RPS6KC1: variants seen among roughly 807,000 people sequenced by gnomAD.
RPS6KC1 encodes ribosomal protein S6 kinase C1, also known as inactive ribosomal protein S6 kinase delta-1.
Under a neutral mutation model 103.8 loss-of-function variants are expected in RPS6KC1, and 54 were observed. The ratio of observed to expected loss-of-function variants is 0.52; its 90% CI spans 0.42 to 0.65. The LOEUF is 0.65. RPS6KC1 is among the 30% of genes least tolerant of loss of function. RPS6KC1 has a pLI of 0.00. For missense variants in RPS6KC1, 1,151 were observed against 1,253.8 expected (o/e 0.92, Z 1.24); for synonymous variants, 439 against 438.7 (o/e 1.00, Z -0.01).
the RPS6KC1 span, among the ~76,000 whole-genome samples, chr1:213,528,477 A>G: frequency 6.6e-6 from 1 of 152,122 alleles, no homozygotes; most frequent in African/African-American, 2.4e-5. Flanking sequence ...CAGCCAAACC[A>G]TATCAGCTGT....
chr1:213,353,528 C>T, the RPS6KC1 span, among the ~76,000 whole-genome samples: 2 of 152,366 alleles, frequency 1.3e-5, no homozygotes, highest in South Asian at 4.1e-4. Context: ...TTCACTATCA[C>T]TTTGTTTTCC....
At chr1:213,695,670 AT>A in the RPS6KC1 span, among the ~76,000 whole-genome samples, 1 of 152,396 alleles carries the variant, frequency 6.6e-6, no homozygotes, top group South Asian at 2.1e-4. Flanking sequence ...CCAGCTTTCA[AT>A]AGGCTAGACT....
At chr1:213,658,973 C>CTT in the RPS6KC1 span, among the ~76,000 whole-genome samples, 1 of 150,228 alleles carries the variant, frequency 6.7e-6, no homozygotes, top group African/African-American at 2.4e-5. Context: ...TCTTTTTTTT[C>CTT]TTTTTTTTTG....
chr1:213,384,480 G>C, the RPS6KC1 span, among the ~76,000 whole-genome samples: 5 of 152,114 alleles, frequency 3.3e-5, no homozygotes, highest in Non-Finnish European at 7.4e-5. Context: ...AATCTTGGCA[G>C]ACTATGGAGG....
At chr1:213,553,600 C>T in the RPS6KC1 span, among the ~76,000 whole-genome samples, 1 of 152,116 alleles carries the variant, frequency 6.6e-6, no homozygotes, top group Non-Finnish European at 1.5e-5. Context: ...TTCCGTAGTA[C>T]TCAATGTACT....
At chr1:213,423,396 C>G in the RPS6KC1 span, among the ~76,000 whole-genome samples, 2 of 152,188 alleles carry the variant, frequency 1.3e-5, no homozygotes, top group Non-Finnish European at 2.9e-5. Flanking sequence ...TCTCATCCTT[C>G]AACCAGCCCC....
the RPS6KC1 span, among the ~76,000 whole-genome samples, chr1:213,694,376 A>G: frequency 6.6e-6 from 1 of 152,156 alleles, no homozygotes; most frequent in South Asian, 2.1e-4. Flanking sequence ...CTTATCTCAT[A>G]CATGTATAAC....
At chr1:213,735,960 G>C in the RPS6KC1 span, among the ~76,000 whole-genome samples, 1 of 152,146 alleles carries the variant, frequency 6.6e-6, no homozygotes, top group Non-Finnish European at 1.5e-5. Context: ...GCTTAAAGAG[G>C]AGGTGGCCCC....
chr1:213,303,752 G>A, the RPS6KC1 span, among the ~76,000 whole-genome samples: 1 of 152,016 alleles, frequency 6.6e-6, no homozygotes, highest in Non-Finnish European at 1.5e-5. Flanking sequence ...TTACCAAAAG[G>A]TTTTATAAAT....
At chr1:213,242,701 C>G (rs774280364) in intron 12 of RPS6KC1, 43 bp downstream of exon 12, 3 of 1,358,646 alleles carry the variant, frequency 2.2e-6, no homozygotes, top group Non-Finnish European at 3.1e-6. Flanking sequence ...AAAAGTGGTT[C>G]GGCAGCTCTC....
At chr1:213,289,105 A>G in the RPS6KC1 span, among the ~76,000 whole-genome samples, 2 of 152,086 alleles carry the variant, frequency 1.3e-5, no homozygotes, top group East Asian at 3.8e-4. Flanking sequence ...CCACTGTATT[A>G]TCTTCTCACA....
At position 213,121,282 on chromosome 1, in the gene RPS6KC1, C is replaced by A. The variant is rs558956360; in HGVS notation, c.472+3872C>A. Among the ~76,000 whole-genome samples, 6 of 152,122 alleles carry A rather than the reference C, an allele frequency of 3.9e-5. No individual in the cohort carries two copies. The East Asian group carries it at 1.2e-3, about 29-fold the overall frequency. Reference sequence around the variant, plus strand: ...TTTGTAGTAGCATGGGATAGAGAAACCCCTTTAAGGTTTTGTAAAAAATAA... The same window carrying A: ...TTTGTAGTAGCATGGGATAGAGAAAACCCTTTAAGGTTTTGTAAAAAATAA... On this transcript the variant is annotated intron_variant, in intron 5 of 14. Transcript: ENST00000366960.
chr1:213,801,550 C>T, the RPS6KC1 span, among the ~76,000 whole-genome samples: 15 of 151,996 alleles, frequency 9.9e-5, no homozygotes, highest in East Asian at 5.8e-4. Flanking sequence ...GAAAATGAGA[C>T]GGGCAGGTGG....
chr1:213,269,246 G>C (rs2094984188), intron 14 of RPS6KC1, among the ~76,000 whole-genome samples: 1 of 152,180 alleles, frequency 6.6e-6, no homozygotes. Flanking sequence ...TGATAGTACA[G>C]GGGTAGCTGT....
chr1:213,104,704 T>A, intron 4 of RPS6KC1, 135 bp downstream of exon 4: 1 of 460,064 alleles, frequency 2.2e-6, no homozygotes, highest in Non-Finnish European at 3.8e-6. Flanking sequence ...TATAATAATG[T>A]TTATGGCATA....
the RPS6KC1 span, among the ~76,000 whole-genome samples, chr1:213,597,200 C>G: frequency 6.6e-6 from 1 of 152,098 alleles, no homozygotes; most frequent in South Asian, 2.1e-4. Flanking sequence ...AGGGTTCTTT[C>G]CCATTCATAT....
At chr1:213,060,163 A>C (rs1354440025) in intron 1 of RPS6KC1, among the ~76,000 whole-genome samples, 1 of 152,224 alleles carries the variant, frequency 6.6e-6, no homozygotes, top group Non-Finnish European at 1.5e-5. Flanking sequence ...TTTTGAAGTA[A>C]TATGTAGTCA....
chr1:213,692,057 G>T, the RPS6KC1 span, among the ~76,000 whole-genome samples: 1 of 152,212 alleles, frequency 6.6e-6, no homozygotes, highest in Non-Finnish European at 1.5e-5. Flanking sequence ...AAGGACATAA[G>T]GCAGAAGGAG....
chr1:213,740,646 A>T, the RPS6KC1 span, among the ~76,000 whole-genome samples: 1 of 151,698 alleles, frequency 6.6e-6, no homozygotes, highest in South Asian at 2.1e-4. Context: ...ACACATACAT[A>T]TATCTCTCAG....
Sources: gnomAD v4.1 joint callset for allele counts (sites outside exome capture counted in the v4.1 genomes callset) on GRCh38, gnomAD v4.1.1 for gene constraint, MANE v1.5 for transcripts, NCBI Gene and HGNC (gene_info 2026-07-23, HGNC 2026-07-21) for gene names.